RGS7: variants seen among roughly 807,000 people sequenced by gnomAD.
RGS7 encodes the protein regulator of G-protein signaling 7.
RGS7 carries 27 observed loss-of-function variants against 81.1 expected under a neutral mutation model. That is an observed-to-expected ratio of 0.33 (90% CI 0.25 to 0.46). RGS7 has a LOEUF of 0.46. Ranked by LOEUF, RGS7 falls within the 20% of genes least tolerant of loss-of-function variation. The probability of loss-of-function intolerance (pLI) is 1.00; values close to 1 mark genes in which losing one functional copy is unlikely to be tolerated. For missense variants in RGS7, 396 were observed against 607.4 expected, an observed-to-expected ratio of 0.65 and a Z score of 3.66; for synonymous variants, 208 against 207.7, an observed-to-expected ratio of 1.00 and a Z score of -0.01.
At chr1:241,252,846 G>A (rs1558239275) in intron 2 of RGS7, among the ~76,000 whole-genome samples, 2 of 152,218 alleles carry the variant, frequency 1.3e-5, no homozygotes, top group African/African-American at 2.4e-5. Flanking sequence ...CCTGGAGGCA[G>A]AAGATCTAGT....
chr1:240,990,289 TA>T (rs536743110), intron 3 of RGS7, among the ~76,000 whole-genome samples: 20 of 151,148 alleles, frequency 1.3e-4, no homozygotes, highest in Admixed American at 4.0e-4. Flanking sequence ...TGTTTCATCA[TA>T]AAAAAAAATG....
At chr1:241,283,675 G>A (rs1474289566) in intron 2 of RGS7, among the ~76,000 whole-genome samples, 2 of 152,018 alleles carry the variant, frequency 1.3e-5, no homozygotes, top group African/African-American at 2.4e-5. Flanking sequence ...TGCCAAATTC[G>A]TGAATTTTTC....
At chr1:241,075,083 T>A (rs769387392) in intron 3 of RGS7, among the ~76,000 whole-genome samples, 1 of 151,722 alleles carries the variant, frequency 6.6e-6, no homozygotes, top group Non-Finnish European at 1.5e-5. Flanking sequence ...ACAGAAAGAG[T>A]AGAATATTTA....
intron 6 of RGS7, among the ~76,000 whole-genome samples, chr1:240,895,156 A>G (rs1380430736): frequency 1.3e-5 from 2 of 152,074 alleles, no homozygotes; most frequent in Non-Finnish European, 2.9e-5. Context: ...ACCTTCCACC[A>G]TGATTGAAAG....
chr1:240,958,123 G>T (rs1037660312), intron 4 of RGS7, among the ~76,000 whole-genome samples: 5 of 152,328 alleles, frequency 3.3e-5, no homozygotes, highest in Middle Eastern at 3.4e-3. Flanking sequence ...GAAAGCCTCA[G>T]GCCGGAGAAG....
At chr1:241,096,194 G>A (rs2064239901) in intron 3 of RGS7, among the ~76,000 whole-genome samples, 1 of 152,144 alleles carries the variant, frequency 6.6e-6, no homozygotes, top group Admixed American at 6.5e-5. Flanking sequence ...AACATGCTCA[G>A]GGAGAGAAGG....
intron 3 of RGS7, among the ~76,000 whole-genome samples, chr1:241,053,820 T>C (rs1466994699): frequency 2.0e-5 from 3 of 152,200 alleles, no homozygotes; most frequent in Non-Finnish European, 1.5e-5. Flanking sequence ...CAAGATCTGA[T>C]GATTTTAAAA....
Position 240,922,590 on chromosome 1 carries a change from C to T in RGS7, c.385+8127G>A, listed in dbSNP as rs550420582. Among the ~76,000 whole-genome samples, 44 of 152,020 alleles carry T rather than the reference C, an allele frequency of 2.9e-4. 1 individual carries two copies. In the South Asian group the frequency reaches 3.5e-3, roughly 12 times the overall value. ...TGAACAGAAAACTCAACAAAGAAGA[C>T]GAACACTTGGCAAATATGCATGTGA... is the stretch of plus-strand genomic sequence containing the variant. On this transcript the variant is annotated intron_variant, in intron 6 of 18. Transcript: ENST00000440928.
intron 3 of RGS7, among the ~76,000 whole-genome samples, chr1:241,029,223 G>C (rs1408638799): frequency 6.6e-6 from 1 of 152,126 alleles, no homozygotes; most frequent in African/African-American, 2.4e-5. Flanking sequence ...CATGGGGGGA[G>C]GGGGAGGGAA....
At chr1:241,350,337 T>C (rs978611110) in intron 2 of RGS7, among the ~76,000 whole-genome samples, 5 of 152,168 alleles carry the variant, frequency 3.3e-5, no homozygotes, top group African/African-American at 1.2e-4. Flanking sequence ...CAACATCCTT[T>C]GGTCCAGAAA....
At chr1:241,134,716 T>C (rs1259117707) in intron 2 of RGS7, among the ~76,000 whole-genome samples, 1 of 151,902 alleles carries the variant, frequency 6.6e-6, no homozygotes, top group African/African-American at 2.4e-5. Flanking sequence ...TGAAGCAGAG[T>C]GCTGAGAAGA....
At chr1:240,931,027 A>C (rs1675354812) in intron 5 of RGS7, among the ~76,000 whole-genome samples, 2 of 152,256 alleles carry the variant, frequency 1.3e-5, no homozygotes, top group South Asian at 4.1e-4. Context: ...ATTTTACACC[A>C]ACTGACATAA....
chr1:240,881,408 G>C (rs1280161905), intron 6 of RGS7, among the ~76,000 whole-genome samples: 3 of 152,118 alleles, frequency 2.0e-5, no homozygotes, highest in African/African-American at 7.2e-5. Flanking sequence ...TAAATGACGA[G>C]TTAATGGGTG....
rs1166524368 is a variant in RGS7, at chr1:241,163,554, C to T, written c.79-64792G>A. 6.6e-6 allele frequency among the ~76,000 whole-genome samples: 1 copy of T among 150,818 alleles called. No individual in the cohort carries two copies. Among genetic ancestry groups the T allele is most frequent in the Non-Finnish European group, 1.5e-5 (1 of 67,640 alleles). ...GACACCTTTGAAGGTCTGAAAGAAA[C>T]ATTTACCATCTATTCTCTCTGAGGG... On this transcript the variant is annotated intron_variant, in intron 2 of 18. Transcript: ENST00000440928. This position sits in a 1 kb window ranked among gnomAD's most constrained non-coding sequence, Gnocchi z 4.6.
At chr1:241,096,645 C>T (rs561065665) in intron 3 of RGS7, among the ~76,000 whole-genome samples, 3 of 152,120 alleles carry the variant, frequency 2.0e-5, no homozygotes, top group Non-Finnish European at 4.4e-5. Context: ...TCTATATGTC[C>T]AATCTTATTT....
rs1054920414 is a variant in RGS7, at chr1:241,221,399, T to C, written c.79-122637A>G. On this transcript the variant is annotated intron_variant, in intron 2 of 18. Transcript: ENST00000440928. ...CACCTGTTTCCTTTCTTCCTGAGCA[T>C]GTGCCTGAACATTTCCCAGCTTCCT... Among the ~76,000 whole-genome samples the C allele has an allele frequency of 3.9e-5, 6 of 152,204 alleles. No individual in the cohort carries two copies. In the South Asian group the frequency reaches 1.2e-3, roughly 32 times the overall value.
chr1:241,168,179 G>A (rs2070418159), intron 2 of RGS7, among the ~76,000 whole-genome samples: 1 of 152,132 alleles, frequency 6.6e-6, no homozygotes, highest in African/African-American at 2.4e-5. Context: ...ACTCTGCAAG[G>A]AATGATGAGA....
chr1:240,789,603 A>C (rs774439821), intron 18 of RGS7, among the ~76,000 whole-genome samples: 10 of 152,298 alleles, frequency 6.6e-5, no homozygotes, highest in South Asian at 2.1e-4. Flanking sequence ...TTACGGTCGT[A>C]GCTGTGGGAT....
At position 241,089,020 on chromosome 1, in the gene RGS7, C is replaced by CCTCTCTCTCTCTCT. The variant is rs1491281246; in HGVS notation, c.175+9645_175+9646insAGAGAGAGAGAGAG. Among the ~76,000 whole-genome samples, 68 of 45,424 alleles carry CCTCTCTCTCTCTCT rather than the reference C, an allele frequency of 1.5e-3. 3 individuals carry two copies. The highest frequency in any genetic ancestry group is 2.1e-3 in the African/African-American group (18 of 8,468). 29.8% of individuals were successfully genotyped at this position (45,424 alleles called of 152,430 possible). A position where few individuals can be genotyped will look rare whatever the true frequency, so the allele number is the denominator to read the frequency against. On this transcript the variant is annotated intron_variant, in intron 3 of 18. Transcript: ENST00000440928. ...CAGCCTGGGCCACAGAGCAAGACTC[C>CCTCTCTCTCTCTCT]ATCTCTCTCTCTCTCTCTCTCTCTC...
Sources: allele counts gnomAD v4.1 joint callset (sites outside exome capture counted in the v4.1 genomes callset), GRCh38; gene constraint gnomAD v4.1.1; non-coding constraint Gnocchi (gnomAD v3.1); transcripts MANE v1.5; gene names NCBI Gene and HGNC (gene_info 2026-07-23, HGNC 2026-07-21).